The following IQCJ variants were observed in gnomAD, a reference collection of about 807,000 sequenced individuals.
The protein encoded by IQCJ is IQ domain-containing protein J.
Under a neutral mutation model 11.0 loss-of-function variants are expected in IQCJ, and 9 were observed. That is an observed-to-expected ratio of 0.82 (90% CI 0.49 to 1.43). The LOEUF is 1.43. IQCJ is among the 40% of genes most tolerant of loss of function. IQCJ has a pLI of 0.00. For missense variants in IQCJ, 146 were observed against 133.2 expected, an observed-to-expected ratio of 1.10 and a Z score of -0.47; for synonymous variants, 55 against 51.3, an observed-to-expected ratio of 1.07 and a Z score of -0.31.
At chr3:159,115,987 T>C (rs1310954132) in intron 1 of IQCJ, among the ~76,000 whole-genome samples, 2 of 152,040 alleles carry the variant, frequency 1.3e-5, no homozygotes, top group South Asian at 4.1e-4. Flanking sequence ...GGTTGATGGG[T>C]GCAGCAAACC....
intron 1 of IQCJ, among the ~76,000 whole-genome samples, chr3:159,237,422 C>T (rs550399751): frequency 4.6e-5 from 7 of 152,322 alleles, no homozygotes; most frequent in African/African-American, 1.7e-4. Context: ...GGGATTGAGA[C>T]AGGAGGGTAA....
chr3:159,195,646 G>C (rs2365478), intron 1 of IQCJ, among the ~76,000 whole-genome samples: 107,977 of 152,162 alleles, frequency 0.71, 39,690 homozygotes, highest in African/African-American at 0.91. Flanking sequence ...CTGAACACAG[G>C]TATCCTTACG....
chr3:159,083,473 T>C (rs1449188467), intron 1 of IQCJ, among the ~76,000 whole-genome samples: 1 of 152,110 alleles, frequency 6.6e-6, no homozygotes, highest in African/African-American at 2.4e-5. Flanking sequence ...CAAATGCTGA[T>C]GAGGATGCAG....
intron 1 of IQCJ, among the ~76,000 whole-genome samples, chr3:159,241,654 C>T (rs943409516): frequency 6.6e-6 from 1 of 152,146 alleles, no homozygotes; most frequent in African/African-American, 2.4e-5. Context: ...TTTCAAAATC[C>T]TAACACTCCA....
intron 1 of IQCJ, among the ~76,000 whole-genome samples, chr3:159,166,051 A>G (rs572113105): frequency 5.1e-4 from 77 of 152,118 alleles, no homozygotes; most frequent in African/African-American, 1.8e-3. Flanking sequence ...TTTTCAAAGA[A>G]ATAATTTTAT....
At chr3:159,158,504 G>A (rs1276267335) in intron 1 of IQCJ, among the ~76,000 whole-genome samples, 4 of 152,198 alleles carry the variant, frequency 2.6e-5, no homozygotes, top group Non-Finnish European at 2.9e-5. Context: ...AGAGCTGCCA[G>A]CATTATGATT....
intron 1 of IQCJ, among the ~76,000 whole-genome samples, chr3:159,168,789 A>C (rs1287402115): frequency 6.6e-6 from 1 of 151,956 alleles, no homozygotes; most frequent in Admixed American, 6.5e-5. Context: ...TTGAAACAAA[A>C]CACTTTTAAG....
chr3:159,203,809 G>T (rs950901545), intron 1 of IQCJ, among the ~76,000 whole-genome samples: 1 of 152,170 alleles, frequency 6.6e-6, no homozygotes, highest in Non-Finnish European at 1.5e-5. Context: ...TGGTGTACCA[G>T]GTGTGTGAGA....
At chr3:159,212,917 A>G (rs1439258914) in intron 1 of IQCJ, among the ~76,000 whole-genome samples, 1 of 152,194 alleles carries the variant, frequency 6.6e-6, no homozygotes, top group Non-Finnish European at 1.5e-5. Context: ...TGTCACCATA[A>G]ACATCCTTCT....
rs191109584 is a variant in IQCJ at position 159,113,143 on chromosome 3, T to C, written c.9+43702T>C. 3.6e-3 allele frequency among the ~76,000 whole-genome samples: 549 copies of C among 152,366 alleles called. 2 individuals carry two copies. The highest frequency in any genetic ancestry group is 0.012 in the African/African-American group (518 of 41,588). On this transcript the variant is annotated intron_variant, in intron 1 of 3. Coordinates refer to ENST00000397832, the MANE Select transcript of IQCJ (RefSeq NM_001042706.3). ...ACCATGCCATGAAGAAAAATGTTTA[T>C]GGTTGCCATTTGGTTTAAAGAGCCC...
Position 159,103,998 on chromosome 3 carries a change from C to T in IQCJ, c.9+34557C>T, listed in dbSNP as rs147372597. Among the ~76,000 whole-genome samples the T allele has an allele frequency of 6.7e-3, 1,027 of 152,354 alleles. 43 individuals are homozygous for T. The highest frequency in any genetic ancestry group is 0.06 in the Admixed American group (920 of 15,298). On this transcript the variant is annotated intron_variant, in intron 1 of 3. Transcript: ENST00000397832. The stretch of plus-strand genomic sequence containing the variant: ...CATCTAGTGAGGCAGAGAGAGCCTT[C>T]ATCCAGTCTCTGTGCTTCTTGGCCT...
rs1413853608 is a variant in IQCJ, at chr3:159,210,157, G to A, written c.10-35686G>A. On this transcript the variant is annotated intron_variant, in intron 1 of 3. Coordinates refer to ENST00000397832, the MANE Select transcript of IQCJ (RefSeq NM_001042706.3). ...CGATGGGAATGATCTTCCCAGTGCA[G>A]ACAAAAAGGAGTGCCTCGTCTGTAG... Among the ~76,000 whole-genome samples the A allele has an allele frequency of 1.3e-5, 2 of 152,116 alleles. 1 individual carries two copies. The highest frequency in any genetic ancestry group is 2.9e-5 in the Non-Finnish European group (2 of 68,022).
At chr3:159,103,079 T>C (rs1200558783) in intron 1 of IQCJ, among the ~76,000 whole-genome samples, 1 of 152,214 alleles carries the variant, frequency 6.6e-6, no homozygotes. Flanking sequence ...TCTACATAGG[T>C]CTGTCTATTG....
chr3:159,163,917 G>A (rs1722022632), intron 1 of IQCJ, among the ~76,000 whole-genome samples: 1 of 152,154 alleles, frequency 6.6e-6, no homozygotes, highest in South Asian at 2.1e-4. Context: ...ACCAGGCAGA[G>A]AGCATTCTCT....
At chr3:159,206,813 C>A (rs1264319585) in intron 1 of IQCJ, among the ~76,000 whole-genome samples, 3 of 152,058 alleles carry the variant, frequency 2.0e-5, no homozygotes, top group African/African-American at 7.2e-5. Flanking sequence ...CTCTGATAGC[C>A]CCTTTTGTTT....
chr3:159,251,796 T>C (rs1378849139), intron 2 of IQCJ, among the ~76,000 whole-genome samples: 1 of 152,074 alleles, frequency 6.6e-6, no homozygotes, highest in Non-Finnish European at 1.5e-5. Flanking sequence ...TTTAATGGGG[T>C]TCCTCCTGTA....
At chr3:159,079,459 T>G (rs547196751) in intron 1 of IQCJ, among the ~76,000 whole-genome samples, 1 of 152,288 alleles carries the variant, frequency 6.6e-6, no homozygotes, top group South Asian at 2.1e-4. Flanking sequence ...AGCTTAAAAG[T>G]ATTTTACTAA....
chr3:159,157,778 C>T (rs1721608078), intron 1 of IQCJ, among the ~76,000 whole-genome samples: 1 of 152,196 alleles, frequency 6.6e-6, no homozygotes. Context: ...ATATTCATTT[C>T]CTCTTATTTA....
intron 2 of IQCJ, among the ~76,000 whole-genome samples, chr3:159,249,902 T>TACAC (rs10567080): frequency 1.1e-3 from 171 of 150,620 alleles, no homozygotes; most frequent in East Asian, 3.2e-3. Context: ...TGCATTTGTG[T>TACAC]ACACACACAC....
Sources: gnomAD v4.1 joint callset for allele counts (sites outside exome capture counted in the v4.1 genomes callset) on GRCh38, gnomAD v4.1.1 for gene constraint, MANE v1.5 for transcripts, NCBI Gene and HGNC (gene_info 2026-07-23, HGNC 2026-07-21) for gene names.